GDPD1: variants seen among roughly 807,000 people sequenced by gnomAD.
The protein encoded by GDPD1 is lysophospholipase D GDPD1.
In GDPD1, 28 loss-of-function variants were observed where a neutral mutation model predicts 45.1. That is an observed-to-expected ratio of 0.62 (90% CI 0.46 to 0.85). GDPD1 has a LOEUF of 0.85. GDPD1 is among the 40% of genes least tolerant of loss of function. The probability of loss-of-function intolerance (pLI) is 0.00; values close to 1 mark genes in which losing one functional copy is unlikely to be tolerated. For missense variants in GDPD1, 256 were observed against 364.8 expected, an observed-to-expected ratio of 0.70 and a Z score of 2.43; for synonymous variants, 139 against 131.4, an observed-to-expected ratio of 1.06 and a Z score of -0.40.
At chr17:59,251,043 T>G (rs747293537) in intron 4 of GDPD1, among the ~76,000 whole-genome samples, 1 of 152,148 alleles carries the variant, frequency 6.6e-6, no homozygotes, top group Non-Finnish European at 1.5e-5. Context: ...GACTGTCTAA[T>G]CTTGTCTTCT....
At chr17:59,247,375 C>T (rs906393842) in intron 3 of GDPD1, among the ~76,000 whole-genome samples, 1 of 152,126 alleles carries the variant, frequency 6.6e-6, no homozygotes, top group African/African-American at 2.4e-5. Flanking sequence ...TGTGTTCTGC[C>T]TATTCAGTCC....
intron 1 of GDPD1, among the ~76,000 whole-genome samples, chr17:59,231,003 A>C (rs967911985): frequency 1.3e-5 from 2 of 152,136 alleles, no homozygotes; most frequent in Non-Finnish European, 2.9e-5. Context: ...TTCCTTCCTC[A>C]CTGTCTTCAA....
chr17:59,253,350 G>T (rs2047270552), intron 4 of GDPD1, among the ~76,000 whole-genome samples: 1 of 151,954 alleles, frequency 6.6e-6, no homozygotes, highest in South Asian at 2.1e-4. Flanking sequence ...TTCTAAGCTG[G>T]CTGAGGCATC....
intron 4 of GDPD1, among the ~76,000 whole-genome samples, chr17:59,253,855 A>G (rs2047275010): frequency 6.6e-6 from 1 of 152,092 alleles, no homozygotes; most frequent in Non-Finnish European, 1.5e-5. Context: ...GTGAATGGAC[A>G]GTGGGTACTG....
At position 59,255,612 on chromosome 17, in the gene GDPD1, G is replaced by A. The variant is rs187027233; in HGVS notation, c.368-1510G>A. 3.1e-3 allele frequency among the ~76,000 whole-genome samples: 448 copies of A among 146,434 alleles called. 2 individuals are homozygous for A. The highest frequency in any genetic ancestry group is 0.011 in the African/African-American group (430 of 39,206). ...CAAAAAATTAGCCAGGTGTGGTGCC[G>A]GGCGCCTGTAATCCCAGCTACTTAG... On this transcript the variant is annotated intron_variant, in intron 4 of 9. Transcript: ENST00000284116.
At chr17:59,242,081 G>C (rs2047179632) in intron 2 of GDPD1, among the ~76,000 whole-genome samples, 1 of 151,994 alleles carries the variant, frequency 6.6e-6, no homozygotes, top group Non-Finnish European at 1.5e-5. Flanking sequence ...GTTTGTTTTT[G>C]AGACAGAGTC....
At chr17:59,256,933 G>C (rs945363511) in intron 4 of GDPD1, among the ~76,000 whole-genome samples, 189 bp from the exon 5 acceptor site, 2 of 152,074 alleles carry the variant, frequency 1.3e-5, no homozygotes, top group Admixed American at 6.6e-5. Flanking sequence ...TAGGAAAAAA[G>C]AGTAGAGAAA....
chr17:59,239,700 A>G (rs2047160655), intron 2 of GDPD1, among the ~76,000 whole-genome samples: 1 of 152,052 alleles, frequency 6.6e-6, no homozygotes, highest in Non-Finnish European at 1.5e-5. Flanking sequence ...TTCTAAAAAT[A>G]GCCAGCATTT....
rs536177092 is a variant in GDPD1 at position 59,261,323 on chromosome 17, C to T, written c.576+3483C>T. Reference sequence around the variant, plus strand: ...TGAGAGATCCCAAGGTAGCTGTGTACAAAAGGGAAGAACAGAGCAATCACT... The same window carrying T: ...TGAGAGATCCCAAGGTAGCTGTGTATAAAAGGGAAGAACAGAGCAATCACT... On this transcript the variant is annotated intron_variant, in intron 6 of 9. Coordinates refer to ENST00000284116, the MANE Select transcript of GDPD1 (RefSeq NM_182569.4). Among the ~76,000 whole-genome samples, 16 of 151,998 alleles carry T rather than the reference C, an allele frequency of 1.1e-4. 1 individual carries two copies. The South Asian group carries it at 3.3e-3, about 32-fold the overall frequency.
chr17:59,242,842 A>G (rs2047184642), intron 2 of GDPD1, among the ~76,000 whole-genome samples: 2 of 152,172 alleles, frequency 1.3e-5, no homozygotes, highest in Admixed American at 1.3e-4. Flanking sequence ...CCCCTGCACA[A>G]GGGATGAATT....
intron 7 of GDPD1, among the ~76,000 whole-genome samples, chr17:59,269,018 G>T (rs1048763660): frequency 4.6e-5 from 7 of 151,844 alleles, no homozygotes; most frequent in East Asian, 1.9e-4. Context: ...AAAACAATTG[G>T]CCGGGCGTGG....
intron 1 of GDPD1, 126 bp from the exon 2 acceptor site, chr17:59,234,366 A>G: frequency 1.6e-6 from 1 of 635,424 alleles, no homozygotes; most frequent in East Asian, 2.9e-5. Flanking sequence ...AACCCAAAAA[A>G]ACACTTGTAA....
rs747492981 is a variant in GDPD1 at position 59,234,552 on chromosome 17, G to A, written c.185+18G>A. On this transcript the variant is annotated intron_variant, in intron 2 of 9. Transcript: ENST00000284116. Reference sequence around the variant, plus strand: ...TTTCAGCAGTAAGTATGTAAAAAAGGTAAAAGGTACTCTTTTCTTTTACAG... The same window carrying A: ...TTTCAGCAGTAAGTATGTAAAAAAGATAAAAGGTACTCTTTTCTTTTACAG... 6.4e-7 allele frequency: 1 copy of A among 1,566,704 alleles called. No individual in the cohort carries two copies. The highest frequency in any genetic ancestry group is 2.2e-5 in the East Asian group (1 of 44,544).
Position 59,257,033 on chromosome 17 carries a change from C to T in GDPD1, c.368-89C>T, listed in dbSNP as rs1055248918. ...ATACTTTTCCTTATTTTATAAATGTCCTTTAATGAATATATACAATACCTT... is the reference window on the plus strand; with the variant it reads ...ATACTTTTCCTTATTTTATAAATGTTCTTTAATGAATATATACAATACCTT... On this transcript the variant is annotated intron_variant, in intron 4 of 9. Transcript: ENST00000284116. 9 of 565,866 alleles carry T rather than the reference C, an allele frequency of 1.6e-5. No homozygotes were observed. In the South Asian group the frequency reaches 2.5e-4, roughly 16 times the overall value. The allele number at this position is 565,866 out of a possible 1,614,324, so 35.1% of individuals were successfully genotyped here. A position where few individuals can be genotyped will look rare whatever the true frequency, so the allele number is the denominator to read the frequency against.
chr17:59,264,904 A>T (rs1351281589), intron 6 of GDPD1, among the ~76,000 whole-genome samples: 5 of 151,852 alleles, frequency 3.3e-5, no homozygotes, highest in Non-Finnish European at 5.9e-5. Flanking sequence ...GCAGTGGCTC[A>T]ATCTTGGCTC....
intron 1 of GDPD1, among the ~76,000 whole-genome samples, chr17:59,223,285 T>C (rs1332861406): frequency 6.6e-6 from 1 of 152,236 alleles, no homozygotes; most frequent in Non-Finnish European, 1.5e-5. Context: ...GTGATAATCT[T>C]ATTAAATATC....
intron 2 of GDPD1, among the ~76,000 whole-genome samples, chr17:59,241,367 G>A (rs1170471788): frequency 6.6e-6 from 1 of 152,098 alleles, no homozygotes; most frequent in Non-Finnish European, 1.5e-5. Context: ...GCCCAAGCTG[G>A]AGTGCAATGG....
At chr17:59,265,992 A>T (rs1383629399) in intron 6 of GDPD1, among the ~76,000 whole-genome samples, 6 of 148,672 alleles carry the variant, frequency 4.0e-5, no homozygotes, top group African/African-American at 1.5e-4. Flanking sequence ...GTGTGAATAT[A>T]CTTAAAACCA....
intron 4 of GDPD1, among the ~76,000 whole-genome samples, chr17:59,252,127 A>G (rs977898235): frequency 2.6e-5 from 4 of 151,628 alleles, no homozygotes; most frequent in Non-Finnish European, 4.4e-5. Flanking sequence ...ACGGTGGCTC[A>G]CACCTGTAAT....
Sources: gnomAD v4.1 joint callset for allele counts (sites outside exome capture counted in the v4.1 genomes callset) on GRCh38, gnomAD v4.1.1 for gene constraint, MANE v1.5 for transcripts, NCBI Gene and HGNC (gene_info 2026-07-23, HGNC 2026-07-21) for gene names.